Variants in RNLS observed in about 807,000 individuals in gnomAD.
RNLS encodes renalase.
RNLS carries 39 observed loss-of-function variants against 39.8 expected under a neutral mutation model. That is an observed-to-expected ratio of 0.98 (90% CI 0.76 to 1.28). The LOEUF (loss-of-function observed/expected upper bound fraction) is 1.28. RNLS is among the 50% of genes most tolerant of loss of function. The pLI, the probability that RNLS is intolerant of heterozygous loss-of-function variation, is 0.00. For missense variants in RNLS, 410 were observed against 413.3 expected (o/e 0.99, Z 0.07); for synonymous variants, 147 against 150.7 (o/e 0.98, Z 0.18).
intron 4 of RNLS, among the ~76,000 whole-genome samples, chr10:88,496,712 T>C (rs999489607): frequency 6.6e-6 from 1 of 152,096 alleles, no homozygotes; most frequent in African/African-American, 2.4e-5. Flanking sequence ...GGAGAAGGGT[T>C]AAAGCTGGGA....
rs995399728 is a variant in RNLS at position 88,289,334 on chromosome 10, C to T, written c.877-3828G>A. Among the ~76,000 whole-genome samples the T allele has an allele frequency of 3.9e-5, 6 of 152,226 alleles. No homozygotes were observed. In the South Asian group the frequency reaches 6.2e-4, roughly 16 times the overall value. On this transcript the variant is annotated intron_variant, in intron 6 of 6. Coordinates refer to ENST00000331772, the MANE Select transcript of RNLS (RefSeq NM_001031709.3). ...TCACCCTTGTCCTTGCCACTTCTCTCGCCTTTGTCCTATCTATATTCAAAC... is the reference window on the plus strand; with the variant it reads ...TCACCCTTGTCCTTGCCACTTCTCTTGCCTTTGTCCTATCTATATTCAAAC...
the RNLS span, among the ~76,000 whole-genome samples, chr10:88,211,402 C>A: frequency 1.3e-5 from 2 of 152,138 alleles, no homozygotes; most frequent in East Asian, 3.9e-4. Flanking sequence ...AAGAAGTTTA[C>A]AGCATGTTGG....
intron 6 of RNLS, among the ~76,000 whole-genome samples, chr10:88,286,313 CCCAAAG>C (rs1843265566): frequency 6.6e-6 from 1 of 152,020 alleles, no homozygotes; most frequent in African/African-American, 2.4e-5. Context: ...GTAGACTGAC[CCCAAAG>C]CAGTCTTTTT....
At chr10:88,414,093 T>C (rs1245155339) in intron 4 of RNLS, among the ~76,000 whole-genome samples, 1 of 151,634 alleles carries the variant, frequency 6.6e-6, no homozygotes, top group Non-Finnish European at 1.5e-5. Context: ...TAGGAAGTTT[T>C]TGTTTGTTTA....
chr10:88,456,480 G>A lies in RNLS; in HGVS notation c.527-93755C>T, dbSNP rs548737568. Among the ~76,000 whole-genome samples the A allele has an allele frequency of 2.1e-4, 32 of 152,132 alleles. No individual in the cohort carries two copies. The South Asian group carries it at 3.1e-3, about 15-fold the overall frequency. ...ACCATGGTGATTACTGGCAGATAACGCAAAACCAAAGTTACACAAATGTCA... is the reference window on the plus strand; with the variant it reads ...ACCATGGTGATTACTGGCAGATAACACAAAACCAAAGTTACACAAATGTCA... On this transcript the variant is annotated intron_variant, in intron 4 of 6. Transcript: ENST00000331772.
At chr10:88,220,526 A>G in the RNLS span, among the ~76,000 whole-genome samples, 1 of 152,216 alleles carries the variant, frequency 6.6e-6, no homozygotes, top group South Asian at 2.1e-4. Flanking sequence ...TTGATAGATG[A>G]GAAAACTGGA....
At chr10:88,388,198 T>C (rs981528178) in intron 4 of RNLS, among the ~76,000 whole-genome samples, 5 of 152,196 alleles carry the variant, frequency 3.3e-5, no homozygotes, top group African/African-American at 1.2e-4. Context: ...TTTCTTTCCA[T>C]GTTTAATTTA....
rs140898811 is a variant in RNLS at position 88,290,822 on chromosome 10, A to C, written c.877-5316T>G. ...TGGCAATGTGGCATTTCTTACAAGG[A>C]TGTTCCACTGAATTATTTTTTCTTG... is the stretch of plus-strand genomic sequence containing the variant. On this transcript the variant is annotated intron_variant, in intron 6 of 6. Coordinates refer to ENST00000331772, the MANE Select transcript of RNLS (RefSeq NM_001031709.3). Among the ~76,000 whole-genome samples the C allele has an allele frequency of 4.0e-3, 612 of 152,236 alleles. 2 individuals are homozygous for C. Among genetic ancestry groups the C allele is most frequent in the Non-Finnish European group, 6.3e-3 (428 of 68,010 alleles).
chr10:88,335,781 G>A (rs1459525238), intron 5 of RNLS, among the ~76,000 whole-genome samples: 1 of 152,156 alleles, frequency 6.6e-6, no homozygotes, highest in East Asian at 1.9e-4. Flanking sequence ...GCCTCACTAT[G>A]GGTTGATTTT....
intron 6 of RNLS, among the ~76,000 whole-genome samples, chr10:88,294,947 A>G (rs1030507616): frequency 6.6e-5 from 10 of 151,980 alleles, no homozygotes; most frequent in Non-Finnish European, 1.3e-4. Flanking sequence ...CCAAATAACC[A>G]TGCTATTAAC....
At chr10:88,224,358 G>A in the RNLS span, among the ~76,000 whole-genome samples, 1 of 152,132 alleles carries the variant, frequency 6.6e-6, no homozygotes, top group Non-Finnish European at 1.5e-5. Context: ...TGGTCATTAA[G>A]CTTCAAAGTG....
At chr10:88,221,738 G>A in the RNLS span, among the ~76,000 whole-genome samples, 1 of 152,116 alleles carries the variant, frequency 6.6e-6, no homozygotes, top group African/African-American at 2.4e-5. Flanking sequence ...ATCAGATTGT[G>A]TCTGGTGTAT....
rs1303986230 is a variant in RNLS, at chr10:88,305,016, A to G, written c.876+9450T>C. Among the ~76,000 whole-genome samples the G allele has an allele frequency of 2.6e-5, 4 of 152,360 alleles. No homozygotes were observed. In the South Asian group the frequency reaches 8.3e-4, roughly 32 times the overall value. ...CCTCTCAGCAGAAACTCTACAAGCC[A>G]GAAAAGATTGGTGGCCAGTATTCAA... On this transcript the variant is annotated intron_variant, in intron 6 of 6. Transcript: ENST00000331772.
chr10:88,362,830 C>T, intron 4 of RNLS, 105 bp from the exon 5 acceptor site: 1 of 894,838 alleles, frequency 1.1e-6, no homozygotes, highest in Non-Finnish European at 1.7e-6. Context: ...CTTCCACCAA[C>T]TCCATCTCAC....
intron 5 of RNLS, among the ~76,000 whole-genome samples, chr10:88,332,167 T>TTA (rs1249201408): frequency 6.6e-6 from 1 of 152,256 alleles, no homozygotes; most frequent in East Asian, 1.9e-4. Context: ...GATCTAGTTC[T>TTA]TATATATAGG....
chr10:88,510,011 C>A (rs188001762), intron 4 of RNLS, among the ~76,000 whole-genome samples: 6 of 152,196 alleles, frequency 3.9e-5, no homozygotes, highest in African/African-American at 1.4e-4. Context: ...TGTAAGTAAT[C>A]CCCTAGGATA....
At chr10:88,323,540 T>A (rs573669016) in intron 5 of RNLS, among the ~76,000 whole-genome samples, 1 of 152,268 alleles carries the variant, frequency 6.6e-6, no homozygotes, top group East Asian at 1.9e-4. Flanking sequence ...GGGGGAAAAC[T>A]GGCTAGGGAT....
intron 5 of RNLS, among the ~76,000 whole-genome samples, chr10:88,331,407 A>G (rs186471824): frequency 1.1e-4 from 16 of 152,342 alleles, no homozygotes; most frequent in Admixed American, 1.0e-3. Flanking sequence ...GAAATGGGTG[A>G]AATATTTCTT....
At chr10:88,306,767 T>G (rs1844952258) in intron 6 of RNLS, among the ~76,000 whole-genome samples, 1 of 152,120 alleles carries the variant, frequency 6.6e-6, no homozygotes, top group Non-Finnish European at 1.5e-5. Context: ...GCTGGTACCA[T>G]TCCTGCTGAA....
Sources: allele counts gnomAD v4.1 joint callset (sites outside exome capture counted in the v4.1 genomes callset), GRCh38; gene constraint gnomAD v4.1.1; transcripts MANE v1.5; gene names NCBI Gene and HGNC (gene_info 2026-07-23, HGNC 2026-07-21).